The following PLEKHG1 variants were observed in gnomAD, a reference collection of about 807,000 sequenced individuals.
PLEKHG1 encodes pleckstrin homology and RhoGEF domain containing G1.
Under a neutral mutation model 100.8 loss-of-function variants are expected in PLEKHG1, and 44 were observed. That is an observed-to-expected ratio of 0.44 (90% CI 0.34 to 0.56). The LOEUF is 0.56. PLEKHG1 is among the 20% of genes least tolerant of loss of function. The pLI is 0.01. For synonymous variants in PLEKHG1, 640 were observed against 662.5 expected, an observed-to-expected ratio of 0.97 and a Z score of 0.52; for missense variants, 1,545 against 1,720.9, an observed-to-expected ratio of 0.90 and a Z score of 1.81.
At position 150,600,616 on chromosome 6, in the gene PLEKHG1, T is replaced by C. The variant is rs902276217; in HGVS notation, c.-204+599T>C. The stretch of plus-strand genomic sequence containing the variant: ...GATGCGCTTTTCAGGGGGTGGGGAG[T>C]CAAGAGCCTGTGGCTCTTCCGTCAC... On this transcript the variant is annotated intron_variant, in intron 1 of 3. Transcript: ENST00000367326. This position sits in a 1 kb window ranked among gnomAD's most constrained non-coding sequence, Gnocchi z 6.2. 6.6e-6 allele frequency among the ~76,000 whole-genome samples: 1 copy of C among 151,974 alleles called. No homozygotes were observed. The highest frequency in any genetic ancestry group is 2.4e-5 in the African/African-American group (1 of 41,356).
chr6:150,631,308 C>T (rs1478673065), intron 1 of PLEKHG1, among the ~76,000 whole-genome samples: 1 of 152,164 alleles, frequency 6.6e-6, no homozygotes, highest in Non-Finnish European at 1.5e-5. Flanking sequence ...CCAGTTCCAC[C>T]TTTTTTCCAT....
chr6:150,792,582 G>A (rs997777890), intron 4 of PLEKHG1, among the ~76,000 whole-genome samples: 1 of 151,720 alleles, frequency 6.6e-6, no homozygotes, highest in African/African-American at 2.4e-5. Flanking sequence ...GCTGAGGCAG[G>A]AGAGTCACTT....
chr6:150,626,440 G>A (rs1268005799), intron 1 of PLEKHG1, among the ~76,000 whole-genome samples: 3 of 152,144 alleles, frequency 2.0e-5, no homozygotes, highest in South Asian at 4.2e-4. Context: ...AGTCTGTCTC[G>A]ATCTGTGTGT....
At chr6:150,747,325 G>T (rs1783216642) in intron 2 of PLEKHG1, among the ~76,000 whole-genome samples, 1 of 152,202 alleles carries the variant, frequency 6.6e-6, no homozygotes, top group Non-Finnish European at 1.5e-5. Flanking sequence ...AGATTTACCT[G>T]GGTCACGTGA....
intron 3 of PLEKHG1, among the ~76,000 whole-genome samples, chr6:150,771,923 C>T (rs773640532): frequency 1.3e-5 from 2 of 152,096 alleles, no homozygotes; most frequent in South Asian, 2.1e-4. Flanking sequence ...AAGAGTCAGG[C>T]GTGGCTCATG....
rs114739503 is a variant in PLEKHG1, at chr6:150,666,609, G to A, written c.-99+15823G>A. Reference sequence around the variant, plus strand: ...AGACACAGAAAAGACCTACTCCTAAGTATCTCATGTTATTGATGAGAAAAT... The same window carrying A: ...AGACACAGAAAAGACCTACTCCTAAATATCTCATGTTATTGATGAGAAAAT... On this transcript the variant is annotated intron_variant, in intron 3 of 3. Transcript: ENST00000367326. Among the ~76,000 whole-genome samples, 1,021 of 152,174 alleles carry A rather than the reference G, an allele frequency of 6.7e-3. 13 individuals are homozygous for A. Among genetic ancestry groups the A allele is most frequent in the African/African-American group, 0.023 (967 of 41,510 alleles).
intron 2 of PLEKHG1, among the ~76,000 whole-genome samples, chr6:150,757,014 GTTTA>G (rs1029699171): frequency 5.2e-5 from 4 of 76,776 alleles, no homozygotes; most frequent in Admixed American, 2.7e-4. Flanking sequence ...ACCTGTTTTT[GTTTA>G]TTTGTTTTAA....
At chr6:150,759,073 A>G (rs991561507) in intron 2 of PLEKHG1, among the ~76,000 whole-genome samples, 1 of 152,234 alleles carries the variant, frequency 6.6e-6, no homozygotes, top group Non-Finnish European at 1.5e-5. Context: ...AGACTTGTCC[A>G]TAAAGAGGGA....
chr6:150,724,566 T>C (rs1381805290), intron 1 of PLEKHG1, among the ~76,000 whole-genome samples: 4 of 147,356 alleles, frequency 2.7e-5, no homozygotes, highest in South Asian at 2.2e-4. Context: ...TTCTTTTTTT[T>C]TTTTTTTTTT....
chr6:150,639,687 C>T (rs1009428997), intron 2 of PLEKHG1, among the ~76,000 whole-genome samples: 1 of 151,884 alleles, frequency 6.6e-6, no homozygotes, highest in African/African-American at 2.4e-5. Flanking sequence ...GTGATGGGGA[C>T]CATGGGAAGG....
intron 3 of PLEKHG1, among the ~76,000 whole-genome samples, chr6:150,781,972 G>A (rs1435293146): frequency 6.6e-6 from 1 of 151,770 alleles, no homozygotes; most frequent in African/African-American, 2.4e-5. Context: ...TAGAGACAGG[G>A]TTTCGCTGTG....
intron 1 of PLEKHG1, among the ~76,000 whole-genome samples, chr6:150,630,784 G>A (rs1262100867): frequency 1.3e-5 from 2 of 152,094 alleles, no homozygotes; most frequent in African/African-American, 4.8e-5. Context: ...GTGAGATAGA[G>A]AAGAGGTCAG....
chr6:150,810,870 G>A (rs12662580), intron 10 of PLEKHG1, among the ~76,000 whole-genome samples: 8,139 of 151,886 alleles, frequency 0.054, 373 homozygotes, highest in East Asian at 0.15. Flanking sequence ...GCAGTAAGCC[G>A]AGATCGTGCC....
At chr6:150,800,914 T>G (rs759215061) in intron 6 of PLEKHG1, 45 bp downstream of exon 7, 2 of 1,541,124 alleles carry the variant, frequency 1.3e-6, no homozygotes, top group African/African-American at 1.4e-5. Flanking sequence ...GATGGGAGTT[T>G]TGTGTGTATA....
rs1291418042 is a variant in PLEKHG1, at chr6:150,831,943, C to T, written c.2832C>T (p.Asp944=). Residue 944 remains aspartate, a synonymous_variant, in exon 15 of 16, where the codon GAC becomes GAT. Coordinates refer to ENST00000358517, the Ensembl canonical transcript of PLEKHG1. The surrounding 1 kb of genome is among the most constrained non-coding windows in gnomAD (Gnocchi z 4.1). ...TGGCTAGTGAAATGCCCCTCATGGA[C>T]AATCCCTACGACCTGGCCAACAGTG... 1.9e-6 allele frequency: 3 copies of T among 1,613,820 alleles called. No homozygotes were observed. Among genetic ancestry groups the T allele is most frequent in the African/African-American group, 1.3e-5 (1 of 74,936 alleles).
At chr6:150,768,887 G>C in intron 3 of PLEKHG1, 149 bp downstream of exon 4, 1 of 623,698 alleles carries the variant, frequency 1.6e-6, no homozygotes, top group Non-Finnish European at 2.9e-6. Flanking sequence ...CTGCTTGGAA[G>C]TATCCTTATT....
chr6:150,755,686 G>A (rs1295969394), intron 2 of PLEKHG1, among the ~76,000 whole-genome samples: 4 of 152,048 alleles, frequency 2.6e-5, no homozygotes, highest in East Asian at 3.9e-4. Flanking sequence ...GAAGTAACTC[G>A]CCCAGGGCCT....
intron 2 of PLEKHG1, among the ~76,000 whole-genome samples, chr6:150,644,332 G>GGGTTTTTT (rs1562404967): frequency 4.1e-5 from 4 of 96,562 alleles, no homozygotes; most frequent in South Asian, 6.8e-4. Flanking sequence ...TTTTCTTTTC[G>GGGTTTTTT]TGTTTTTTTT....
chr6:150,780,259 C>A (rs1785236768), intron 3 of PLEKHG1, among the ~76,000 whole-genome samples: 1 of 151,414 alleles, frequency 6.6e-6, no homozygotes, highest in Non-Finnish European at 1.5e-5. Flanking sequence ...CCTCGACCTC[C>A]CGAGTAGCAC....
Sources: gnomAD v4.1 joint callset for allele counts (sites outside exome capture counted in the v4.1 genomes callset) on GRCh38, gnomAD v4.1.1 for gene constraint, Gnocchi (gnomAD v3.1) non-coding constraint, MANE v1.5 for transcripts, NCBI Gene and HGNC (gene_info 2026-07-23, HGNC 2026-07-21) for gene names.